CEP295: variants seen among roughly 807,000 people sequenced by gnomAD.
The protein encoded by CEP295 is centrosomal protein of 295 kDa.
CEP295 carries 190 observed loss-of-function variants against 291.6 expected under a neutral mutation model. The observed-to-expected ratio is 0.65, with a 90% CI of 0.58 to 0.73. The LOEUF is 0.73. CEP295 is among the 30% of genes least tolerant of loss of function. The probability of loss-of-function intolerance (pLI) is 0.00; values close to 1 mark genes in which losing one functional copy is unlikely to be tolerated. For missense variants in CEP295, 2,863 were observed against 2,949.4 expected, an observed-to-expected ratio of 0.97 and a Z score of 0.68; for synonymous variants, 993 against 1,038.8, an observed-to-expected ratio of 0.96 and a Z score of 0.85.
chr11:93,662,130 C>T (rs528259044), intron 1 of CEP295, among the ~76,000 whole-genome samples: 3 of 152,358 alleles, frequency 2.0e-5, no homozygotes, highest in African/African-American at 7.2e-5. Flanking sequence ...CACCTGGTAG[C>T]TGTTAAAAGA....
Position 93,727,465 on chromosome 11 carries a change from T to A in CEP295, c.6989T>A (p.Met2330Lys), listed in dbSNP as rs1954239515. The change falls in exon 24 of 30, where the codon ATG (methionine) becomes AAG (lysine). Residue 2330 changes from methionine (M) to lysine (K), a missense_variant. By Grantham distance (95) the Met-to-Lys change is moderately conservative. Transcript: ENST00000325212. ...DSRLCVRTVE[M>K]GTSIQAPYSL... ...CGATTATGTGTAAGAACAGTGGAGA[T>A]GGGAACTTCAATTCAGGCACCATAT... is the stretch of plus-strand genomic sequence containing the variant. 2.6e-6 allele frequency: 4 copies of A among 1,551,892 alleles called. No individual in the cohort carries two copies. Among genetic ancestry groups the A allele is most frequent in the Middle Eastern group, 1.7e-4 (1 of 6,016 alleles).
intron 6 of CEP295, among the ~76,000 whole-genome samples, chr11:93,678,310 G>T (rs1272643917): frequency 5.3e-5 from 8 of 152,134 alleles, no homozygotes; most frequent in African/African-American, 1.7e-4. Flanking sequence ...TTATAATTTT[G>T]ATTTAATCTA....
intron 5 of CEP295, among the ~76,000 whole-genome samples, chr11:93,674,113 C>G (rs1369733532): frequency 6.6e-6 from 1 of 152,058 alleles, no homozygotes; most frequent in East Asian, 1.9e-4. Context: ...CAGGTGTGTG[C>G]TACCATGCCC....
chr11:93,724,322 G>T lies in CEP295; in HGVS notation c.6265G>T (p.Asp2089Tyr). The change falls in exon 22 of 30, where the codon GAC (aspartate) becomes TAC (tyrosine). Residue 2089 changes from aspartate (D) to tyrosine (Y), a missense_variant. This residue lies in a region of CEP295 where 2,295 missense variants were observed against 2,335.7 expected (regional missense o/e 0.98). Coordinates refer to ENST00000325212, the MANE Select transcript of CEP295 (RefSeq NM_033395.2). Reference sequence around the variant, plus strand: ...ACCCTTAGAACCACATCCAGATTTTGACTTATCATCATCATCCTCTGGGAT... The same window carrying T: ...ACCCTTAGAACCACATCCAGATTTTTACTTATCATCATCATCCTCTGGGAT... ...FKPLEPHPDF[D>Y]LSSSSSGISP... 6.5e-7 allele frequency: 1 copy of T among 1,550,382 alleles called. No homozygotes were observed. The highest frequency in any genetic ancestry group is 1.2e-5 in the South Asian group (1 of 84,034).
At chr11:93,685,382 A>G (rs191322442) in intron 9 of CEP295, among the ~76,000 whole-genome samples, 1 of 151,880 alleles carries the variant, frequency 6.6e-6, no homozygotes, top group East Asian at 1.9e-4. Flanking sequence ...CTTTCTTATC[A>G]TCTTCACCCT....
intron 15 of CEP295, among the ~76,000 whole-genome samples, chr11:93,701,879 G>A (rs566605047): frequency 5.6e-4 from 85 of 152,304 alleles, no homozygotes; most frequent in Admixed American, 9.2e-4. Context: ...TAGGATTACA[G>A]GCGTGAGCCA....
rs202195781 is a variant in CEP295, at chr11:93,699,651, G to A, written c.4739G>A (p.Arg1580His). Reference sequence around the variant, plus strand: ...AATGATACTCTTCCCTCAAGTCATCGTGAGATTCCAAGATTACAGGATAGA... The same window carrying A: ...AATGATACTCTTCCCTCAAGTCATCATGAGATTCCAAGATTACAGGATAGA... ...KSNDTLPSSH[R>H]EIPRLQDRLL... The change falls in exon 15 of 30, where the codon CGT becomes CAT. Residue 1580 changes from arginine to histidine, a missense_variant. Around this residue, in one of 3 missense-constraint regions of CEP295, gnomAD observed 2,295 missense variants for 2,335.7 expected, o/e 0.98. Transcript: ENST00000325212. The A allele has an allele frequency of 1.6e-3, 2,466 of 1,551,534 alleles. 9 individuals carry two copies. The highest frequency in any genetic ancestry group is 1.8e-3 in the Non-Finnish European group (2,073 of 1,147,024).
intron 7 of CEP295, among the ~76,000 whole-genome samples, chr11:93,682,447 C>A (rs1951021348): frequency 6.6e-6 from 1 of 152,180 alleles, no homozygotes; most frequent in African/African-American, 2.4e-5. Flanking sequence ...TGGCCTCGAA[C>A]TCCTGACCTC....
chr11:93,674,527 G>A (rs898737482), intron 5 of CEP295, among the ~76,000 whole-genome samples: 1 of 152,098 alleles, frequency 6.6e-6, no homozygotes, highest in Non-Finnish European at 1.5e-5. Context: ...CTGTACTCTG[G>A]CCTTGTCAAC....
chr11:93,726,232 G>A (rs1342371863), intron 23 of CEP295, among the ~76,000 whole-genome samples: 1 of 152,216 alleles, frequency 6.6e-6, no homozygotes, highest in Non-Finnish European at 1.5e-5. Flanking sequence ...CTGGGTTCAA[G>A]TGATTCTCCT....
rs905189261 is a variant in CEP295, at chr11:93,685,980, A to G, written c.1115-1664A>G. Among the ~76,000 whole-genome samples the G allele has an allele frequency of 6.6e-4, 98 of 147,714 alleles. 1 individual carries two copies. Among genetic ancestry groups the G allele is most frequent in the African/African-American group, 2.3e-3 (93 of 40,590 alleles). ...CACCTCTGCCTCCCAAAGTGCTGGG[A>G]TTACAGGCATGAGCCACCATGCCCG... is the stretch of plus-strand genomic sequence containing the variant. On this transcript the variant is annotated intron_variant, in intron 9 of 29. Transcript: ENST00000325212.
chr11:93,705,918 A>C (rs1952483184), intron 17 of CEP295, among the ~76,000 whole-genome samples: 1 of 152,162 alleles, frequency 6.6e-6, no homozygotes, highest in Admixed American at 6.5e-5. Flanking sequence ...TTTAAGCTTG[A>C]TATAAGCCTG....
chr11:93,669,850 C>T (rs1445238284), intron 5 of CEP295, 80 bp downstream of exon 5: 3 of 849,026 alleles, frequency 3.5e-6, no homozygotes, highest in African/African-American at 1.7e-5. Context: ...ATGACTATCA[C>T]TTAAACTTAA....
intron 12 of CEP295, among the ~76,000 whole-genome samples, chr11:93,694,287 G>C (rs1430757119): frequency 6.6e-6 from 1 of 152,184 alleles, no homozygotes; most frequent in Non-Finnish European, 1.5e-5. Context: ...CTTATCCACA[G>C]TGTATATGTT....
chr11:93,669,593 G>A (rs577191818), intron 4 of CEP295, 84 bp from the exon 5 acceptor site: 3 of 837,916 alleles, frequency 3.6e-6, no homozygotes, highest in Admixed American at 2.2e-5. Flanking sequence ...GATTTCTTGA[G>A]CCTATGACTT....
chr11:93,691,993 C>A lies in CEP295; in HGVS notation c.1496C>A (p.Ala499Glu), dbSNP rs4753495. The change falls in exon 12 of 30, where the codon GCA becomes GAA. Residue 499 changes from alanine (A) to glutamate (E), a missense_variant. Ala to Glu is a moderately radical substitution (Grantham distance 107, BLOSUM62 -1). Transcript: ENST00000325212. ...QSSVLLHPQE[A>E]AARIRMSARQ... ...TCAGTTCTACTTCATCCTCAAGAAGCAGCAGCCAGGATTAGAATGTCAGCA... is the reference window on the plus strand; with the variant it reads ...TCAGTTCTACTTCATCCTCAAGAAGAAGCAGCCAGGATTAGAATGTCAGCA... 1,505,913 of 1,541,448 alleles carry A rather than the reference C, an allele frequency of 0.98. 737,861 individuals carry two copies. The highest frequency in any genetic ancestry group is 0.99 in the Non-Finnish European group (1,128,838 of 1,138,396).
rs143105053 is a variant in CEP295, at chr11:93,692,173, A to AT, written c.1533+144dup. 4,376 of 585,866 alleles carry AT rather than the reference A, an allele frequency of 7.5e-3. 159 individuals are homozygous for AT. The highest frequency in any genetic ancestry group is 0.074 in the African/African-American group (3,964 of 53,302). The allele number at this position is 585,866 out of a possible 1,614,324, so 36.3% of individuals were successfully genotyped here. A position where few individuals can be genotyped will look rare whatever the true frequency, so the allele number is the denominator to read the frequency against. ...ATTGTCTTACACAAACATTCAGCTG[A>AT]TAAAATGCGTGTTGTCTTTGCCCAT... On this transcript the variant is annotated intron_variant, in intron 12 of 29. Coordinates refer to ENST00000325212, the MANE Select transcript of CEP295 (RefSeq NM_033395.2).
chr11:93,725,704 A>C lies in CEP295; in HGVS notation c.6372A>C (p.Thr2124=). ...SHCATGLSKS[T]VYFTALRRTS... is the part of the protein sequence containing the mutation. ...GTGCTACTGGATTATCCAAAAGTAC[A>C]GTTTATTTCACAGCACTGAGGAGGA... The change falls in exon 23 of 30, where the codon ACA becomes ACC. Residue 2124 remains threonine (T), a synonymous_variant. Coordinates refer to ENST00000325212, the MANE Select transcript of CEP295 (RefSeq NM_033395.2). 1 of 1,551,518 alleles carries C rather than the reference A, an allele frequency of 6.4e-7. No individual in the cohort carries two copies. The highest frequency in any genetic ancestry group is 8.7e-7 in the Non-Finnish European group (1 of 1,146,948).
At chr11:93,692,078 A>G in intron 12 of CEP295, 48 bp downstream of exon 12, 1 of 1,040,338 alleles carries the variant, frequency 9.6e-7, no homozygotes, top group South Asian at 1.5e-5. Flanking sequence ...CCTAGGTACT[A>G]TTATATAATT....
Sources: allele counts gnomAD v4.1 joint callset (sites outside exome capture counted in the v4.1 genomes callset), GRCh38; gene constraint gnomAD v4.1.1; regional missense constraint gnomAD v4.1.1; transcripts MANE v1.5; gene names NCBI Gene and HGNC (gene_info 2026-07-23, HGNC 2026-07-21).